Variants in MYPN observed in about 807,000 individuals in gnomAD.
The protein encoded by MYPN is myopalladin, also known as sarcomeric protein myopalladin, 145 kDa (MYOP).
MYPN carries 63 observed loss-of-function variants against 129.4 expected under a neutral mutation model. The observed-to-expected ratio is 0.49, with a 90% CI of 0.40 to 0.60. The LOEUF is 0.60. Ranked by LOEUF, MYPN falls within the 20% of genes least tolerant of loss-of-function variation. MYPN has a pLI of 0.00. For synonymous variants in MYPN, 629 were observed against 600.9 expected, an observed-to-expected ratio of 1.05 and a Z score of -0.68; for missense variants, 1,596 against 1,635.4, an observed-to-expected ratio of 0.98 and a Z score of 0.42.
intron 4 of MYPN, 26 bp downstream of exon 4, chr10:68,145,552 CT>C (rs1477151592): frequency 2.4e-5 from 38 of 1,583,438 alleles, no homozygotes; most frequent in Non-Finnish European, 3.2e-5. Context: ...TGTCTTATAG[CT>C]TTAGCATCCT....
intron 2 of MYPN, among the ~76,000 whole-genome samples, chr10:68,129,005 T>C (rs935759162): frequency 6.8e-6 from 1 of 146,850 alleles, no homozygotes; most frequent in African/African-American, 2.5e-5. Context: ...TCTCTCTCTC[T>C]TTTTTTTTTA....
intron 1 of MYPN, among the ~76,000 whole-genome samples, chr10:68,099,701 G>A (rs1408520067): frequency 6.6e-6 from 1 of 151,998 alleles, no homozygotes; most frequent in African/African-American, 2.4e-5. Flanking sequence ...TGCTTATTAT[G>A]TATTGTTGCT....
intron 12 of MYPN, among the ~76,000 whole-genome samples, chr10:68,181,096 T>C (rs12254047): frequency 0.013 from 1,983 of 152,294 alleles, 50 homozygotes; most frequent in African/African-American, 0.046. Context: ...AAAAATATTC[T>C]TTCCTTTGAG....
At chr10:68,095,946 G>A (rs2041954558) in intron 1 of MYPN, among the ~76,000 whole-genome samples, 1 of 151,984 alleles carries the variant, frequency 6.6e-6, no homozygotes, top group South Asian at 2.1e-4. Context: ...CCAAAATCCA[G>A]AATGGAAAAA....
At chr10:68,203,684 C>T (rs149275447) in intron 18 of MYPN, among the ~76,000 whole-genome samples, 98 of 121,368 alleles carry the variant, frequency 8.1e-4, no homozygotes, top group Non-Finnish European at 1.3e-3. Flanking sequence ...TCCTAAAACG[C>T]GCACGCACAC....
chr10:68,112,328 C>T (rs2042093402), intron 1 of MYPN, among the ~76,000 whole-genome samples: 1 of 152,128 alleles, frequency 6.6e-6, no homozygotes, highest in African/African-American at 2.4e-5. Flanking sequence ...ACTAGCGCTT[C>T]CCTACATGTT....
At chr10:68,156,966 G>A (rs141351107) in intron 6 of MYPN, among the ~76,000 whole-genome samples, 99 of 152,234 alleles carry the variant, frequency 6.5e-4, no homozygotes, top group African/African-American at 2.3e-3. Flanking sequence ...TACATGTGCC[G>A]AAAAAGCATT....
intron 1 of MYPN, among the ~76,000 whole-genome samples, chr10:68,111,639 G>A (rs2042083165): frequency 6.6e-6 from 1 of 152,194 alleles, no homozygotes; most frequent in Admixed American, 6.5e-5. Context: ...AGAAATTTAA[G>A]AACAATTTCA....
chr10:68,092,673 T>C (rs2041936532), intron 1 of MYPN, among the ~76,000 whole-genome samples: 2 of 152,200 alleles, frequency 1.3e-5, no homozygotes, highest in South Asian at 4.1e-4. Context: ...GAGTGCTGTA[T>C]GATGCTTCCA....
chr10:68,178,541 C>T (rs1387780186), intron 12 of MYPN, among the ~76,000 whole-genome samples: 1 of 151,880 alleles, frequency 6.6e-6, no homozygotes, highest in Non-Finnish European at 1.5e-5. Context: ...AGTGAAACCC[C>T]GTCTCTACTA....
At chr10:68,156,562 A>C (rs1290674563) in intron 6 of MYPN, among the ~76,000 whole-genome samples, 1 of 152,234 alleles carries the variant, frequency 6.6e-6, no homozygotes, top group Admixed American at 6.5e-5. Context: ...ATTGAACTAC[A>C]GCGCCTCCTG....
At chr10:68,107,341 CTTT>C (rs1217100514), upstream of MYPN, among the ~76,000 whole-genome samples, 8 of 113,442 alleles carry the variant, frequency 7.1e-5, no homozygotes, top group East Asian at 2.6e-4. Flanking sequence ...CTTCTCTTTT[CTTT>C]TTTTTTTTTT....
At chr10:68,184,856 G>T (rs2043395277) in intron 12 of MYPN, among the ~76,000 whole-genome samples, 1 of 152,136 alleles carries the variant, frequency 6.6e-6, no homozygotes, top group Non-Finnish European at 1.5e-5. Flanking sequence ...GCTGAGAAGT[G>T]GGGGCTGGAA....
Position 68,211,056 on chromosome 10 carries a change from T to C in MYPN, c.*601T>C, listed in dbSNP as rs1291519255. ...TGAGCCACATAATAAGGTGTCAAAATGTGCTTGAGATTCCAAAAACTTGCT... is the reference window on the plus strand; with the variant it reads ...TGAGCCACATAATAAGGTGTCAAAACGTGCTTGAGATTCCAAAAACTTGCT... On this transcript the variant is annotated 3_prime_UTR_variant, in exon 20 of 20. Coordinates refer to ENST00000358913, the MANE Select transcript of MYPN (RefSeq NM_032578.4). The C allele has an allele frequency of 2.2e-6, 1 of 454,018 alleles. No homozygotes were observed. Among genetic ancestry groups the C allele is most frequent in the African/African-American group, 2.0e-5 (1 of 50,012 alleles). 28.1% of individuals were successfully genotyped at this position (454,018 alleles called of 1,614,324 possible).
At chr10:68,088,562 G>A (rs777627450) in intron 1 of MYPN, among the ~76,000 whole-genome samples, 5 of 152,080 alleles carry the variant, frequency 3.3e-5, no homozygotes, top group Non-Finnish European at 5.9e-5. Flanking sequence ...ACTCTCCATT[G>A]TTTCTATAAG....
At chr10:68,158,404 C>A in intron 6 of MYPN, 82 bp from the exon 7 acceptor site, 1 of 1,382,646 alleles carries the variant, frequency 7.2e-7, no homozygotes, top group African/African-American at 1.4e-5. Context: ...GAGACGGCAT[C>A]TTTTTCTAAA....
chr10:68,163,818 C>T (rs1432057719), intron 8 of MYPN, among the ~76,000 whole-genome samples: 3 of 152,146 alleles, frequency 2.0e-5, no homozygotes, highest in South Asian at 4.1e-4. Flanking sequence ...AAAGTGCAGC[C>T]TGATTAATGC....
intron 7 of MYPN, among the ~76,000 whole-genome samples, chr10:68,158,859 C>T (rs1325636812): frequency 6.6e-6 from 1 of 151,512 alleles, no homozygotes; most frequent in Non-Finnish European, 1.5e-5. Context: ...ATTTACTCAA[C>T]ATTTAATGAA....
At chr10:68,162,146 G>A (rs10997963) in intron 8 of MYPN, 57,900 of 133,314 alleles carry the variant, frequency 0.43, 13,459 homozygotes, top group Non-Finnish European at 0.53. Context: ...CCAGCTGCGC[G>A]ACAGAACAAG....
Sources: allele counts gnomAD v4.1 joint callset (sites outside exome capture counted in the v4.1 genomes callset), GRCh38; gene constraint gnomAD v4.1.1; transcripts MANE v1.5; gene names NCBI Gene and HGNC (gene_info 2026-07-23, HGNC 2026-07-21).